The following DLG2 variants were observed in gnomAD, a reference collection of about 807,000 sequenced individuals.
DLG2 encodes discs large MAGUK scaffold protein 2, also known as disks large homolog 2.
In DLG2, 45 loss-of-function variants were observed where a neutral mutation model predicts 132.5. The observed-to-expected ratio is 0.34, with a 90% CI of 0.27 to 0.44. The LOEUF (loss-of-function observed/expected upper bound fraction) is 0.44. Ranked by LOEUF, DLG2 falls within the 20% of genes least tolerant of loss-of-function variation. The pLI is 1.00. For synonymous variants in DLG2, 424 were observed against 419.6 expected (o/e 1.01, Z -0.13); for missense variants, 1,045 against 1,196.9 (o/e 0.87, Z 1.87).
intron 7 of DLG2, among the ~76,000 whole-genome samples, chr11:84,346,377 C>A (rs2098539336): frequency 6.6e-6 from 1 of 152,116 alleles, no homozygotes; most frequent in Admixed American, 6.5e-5. Flanking sequence ...CTTATATATG[C>A]CTGGTATACA....
At chr11:85,022,506 A>G (rs1358310635) in intron 6 of DLG2, among the ~76,000 whole-genome samples, 1 of 152,138 alleles carries the variant, frequency 6.6e-6, no homozygotes, top group African/African-American at 2.4e-5. Context: ...ACTATAAAAC[A>G]TAAGGAGGAT....
intron 3 of DLG2, among the ~76,000 whole-genome samples, chr11:85,488,579 T>A (rs760538538): frequency 1.3e-5 from 2 of 152,122 alleles, no homozygotes; most frequent in Non-Finnish European, 2.9e-5. Context: ...AAATTCAAAC[T>A]GAGAGACTGA....
intron 21 of DLG2, among the ~76,000 whole-genome samples, chr11:83,523,882 T>C (rs1227491911): frequency 1.3e-5 from 2 of 151,404 alleles, no homozygotes; most frequent in African/African-American, 2.5e-5. Context: ...TCCATCTTCC[T>C]GCCCATTAGA....
intron 18 of DLG2, among the ~76,000 whole-genome samples, chr11:83,703,455 G>A (rs886723246): frequency 6.6e-6 from 1 of 152,146 alleles, no homozygotes; most frequent in African/African-American, 2.4e-5. Context: ...TTAGAGACCA[G>A]CCTGACCAAC....
At chr11:84,736,651 A>T (rs1338878943) in intron 6 of DLG2, among the ~76,000 whole-genome samples, 5 of 151,850 alleles carry the variant, frequency 3.3e-5, no homozygotes, top group Non-Finnish European at 7.4e-5. Flanking sequence ...ATTTTATGGT[A>T]TTCTAAATGG....
chr11:83,531,768 A>C (rs2095751393), intron 21 of DLG2, among the ~76,000 whole-genome samples: 1 of 150,618 alleles, frequency 6.6e-6, no homozygotes, highest in Non-Finnish European at 1.5e-5. Flanking sequence ...CTGATAAATG[A>C]ACAGATTAAA....
chr11:84,408,248 T>C (rs1235772198), intron 7 of DLG2, among the ~76,000 whole-genome samples: 1 of 151,992 alleles, frequency 6.6e-6, no homozygotes, highest in Non-Finnish European at 1.5e-5. Flanking sequence ...ACCAATGTCT[T>C]TATAAAAAAT....
intron 8 of DLG2, among the ~76,000 whole-genome samples, chr11:84,213,092 G>A (rs1452229427): frequency 6.6e-6 from 1 of 152,098 alleles, no homozygotes; most frequent in Non-Finnish European, 1.5e-5. Context: ...CAACTCCCTA[G>A]GCCTTGTTCC....
At chr11:84,011,109 C>T (rs1044860671) in intron 11 of DLG2, among the ~76,000 whole-genome samples, 5 of 152,120 alleles carry the variant, frequency 3.3e-5, no homozygotes, top group Non-Finnish European at 7.4e-5. Flanking sequence ...GTTGAGTGAA[C>T]TTAAAAATGT....
chr11:85,517,429 C>T (rs760204905), intron 3 of DLG2, among the ~76,000 whole-genome samples: 3 of 151,986 alleles, frequency 2.0e-5, no homozygotes, highest in Non-Finnish European at 4.4e-5. Context: ...AAGTCCTAGC[C>T]AGGGCAATCA....
intron 3 of DLG2, among the ~76,000 whole-genome samples, chr11:85,288,917 C>T (rs918284719): frequency 1.2e-4 from 19 of 152,098 alleles, no homozygotes; most frequent in East Asian, 7.8e-4. Flanking sequence ...ATCATACTCA[C>T]GCTATGCATT....
At chr11:83,805,741 G>C (rs2045734121) in intron 17 of DLG2, among the ~76,000 whole-genome samples, 1 of 151,906 alleles carries the variant, frequency 6.6e-6, no homozygotes, top group Non-Finnish European at 1.5e-5. Flanking sequence ...AAATTTCTTA[G>C]CCCTATATTT....
At chr11:84,735,169 G>C (rs547017291) in intron 6 of DLG2, among the ~76,000 whole-genome samples, 1 of 152,252 alleles carries the variant, frequency 6.6e-6, no homozygotes, top group South Asian at 2.1e-4. Context: ...AGTTAGGGAA[G>C]ATTCCTTCTT....
chr11:84,022,289 A>G (rs2095418143), intron 11 of DLG2, among the ~76,000 whole-genome samples: 1 of 152,188 alleles, frequency 6.6e-6, no homozygotes, highest in South Asian at 2.1e-4. Context: ...AATGGCCAAC[A>G]CATCCACTAT....
chr11:85,521,296 C>T (rs968269256), intron 3 of DLG2, among the ~76,000 whole-genome samples: 71 of 152,136 alleles, frequency 4.7e-4, no homozygotes, highest in African/African-American at 1.7e-3. Flanking sequence ...GGCTTTTCCC[C>T]CACTTTGCTC....
At chr11:84,544,824 C>T (rs999500331) in intron 6 of DLG2, among the ~76,000 whole-genome samples, 5 of 152,068 alleles carry the variant, frequency 3.3e-5, no homozygotes, top group African/African-American at 4.8e-5. Flanking sequence ...GCAGATTTGT[C>T]GTAACAACAA....
intron 4 of DLG2, among the ~76,000 whole-genome samples, chr11:85,191,156 A>ATG (rs1220192136): frequency 3.4e-5 from 4 of 119,062 alleles, no homozygotes; most frequent in Non-Finnish European, 5.3e-5. Flanking sequence ...GCGCGCGCGC[A>ATG]CGCGCGCACA....
intron 7 of DLG2, among the ~76,000 whole-genome samples, chr11:84,419,059 C>T (rs915211687): frequency 1.3e-5 from 2 of 151,884 alleles, no homozygotes; most frequent in Non-Finnish European, 2.9e-5. Flanking sequence ...ATACTTAATG[C>T]TCTACACATT....
intron 6 of DLG2, among the ~76,000 whole-genome samples, chr11:84,686,213 T>C (rs2099738013): frequency 1.3e-5 from 2 of 152,202 alleles, no homozygotes; most frequent in Admixed American, 1.3e-4. Context: ...AGACATGAAA[T>C]GCTGCCTGAG....
Sources: gnomAD v4.1 joint callset for allele counts (sites outside exome capture counted in the v4.1 genomes callset) on GRCh38, gnomAD v4.1.1 for gene constraint, MANE v1.5 for transcripts, NCBI Gene and HGNC (gene_info 2026-07-23, HGNC 2026-07-21) for gene names.